NKAIN2: variants seen among roughly 807,000 people sequenced by gnomAD.
NKAIN2 encodes sodium/potassium transporting ATPase interacting 2, also known as sodium/potassium-transporting ATPase subunit beta-1-interacting protein 2.
NKAIN2 carries 14 observed loss-of-function variants against 32.6 expected under a neutral mutation model. The ratio of observed to expected loss-of-function variants is 0.43; its 90% CI spans 0.28 to 0.67. The LOEUF (loss-of-function observed/expected upper bound fraction) is 0.67, where lower values mean the gene tolerates loss of function less well. Ranked by LOEUF, NKAIN2 falls within the 30% of genes least tolerant of loss-of-function variation. The pLI, the probability that NKAIN2 is intolerant of heterozygous loss-of-function variation, is 0.17. For synonymous variants in NKAIN2, 80 were observed against 87.2 expected (o/e 0.92, Z 0.46); for missense variants, 198 against 258.3 (o/e 0.77, Z 1.60).
chr6:123,860,255 C>T (rs923402907), intron 1 of NKAIN2, among the ~76,000 whole-genome samples: 4 of 152,086 alleles, frequency 2.6e-5, no homozygotes, highest in African/African-American at 4.8e-5. Context: ...AGAAAAGATG[C>T]ACCCATCTCC....
chr6:124,360,119 A>C (rs1799211486), intron 3 of NKAIN2, among the ~76,000 whole-genome samples: 1 of 152,180 alleles, frequency 6.6e-6, no homozygotes, highest in East Asian at 1.9e-4. Context: ...CCCAGGGATG[A>C]AGCCCACTTG....
At chr6:124,536,294 T>C (rs1454254629) in intron 3 of NKAIN2, among the ~76,000 whole-genome samples, 3 of 152,160 alleles carry the variant, frequency 2.0e-5, no homozygotes, top group African/African-American at 7.2e-5. Context: ...TATTTATTTG[T>C]TTACCCCTTC....
chr6:124,514,674 G>A (rs762998654), intron 3 of NKAIN2, among the ~76,000 whole-genome samples: 33 of 151,466 alleles, frequency 2.2e-4, no homozygotes, highest in Non-Finnish European at 4.7e-4. Context: ...AAAGTTTCAA[G>A]GACTGACAAA....
At chr6:124,162,259 C>T (rs1384461627) in intron 1 of NKAIN2, among the ~76,000 whole-genome samples, 4 of 151,994 alleles carry the variant, frequency 2.6e-5, no homozygotes, top group African/African-American at 7.2e-5. Flanking sequence ...ACATAGTATG[C>T]GCTCCATAGG....
chr6:124,433,753 T>C (rs1450379280), intron 3 of NKAIN2, among the ~76,000 whole-genome samples: 1 of 152,304 alleles, frequency 6.6e-6, no homozygotes, highest in East Asian at 1.9e-4. Context: ...GAATATTTGA[T>C]GGAAGTGTCT....
intron 3 of NKAIN2, among the ~76,000 whole-genome samples, chr6:124,443,957 T>C (rs546948430): frequency 6.6e-6 from 1 of 152,186 alleles, no homozygotes; most frequent in Non-Finnish European, 1.5e-5. Context: ...TCATATACTC[T>C]TATATGACCT....
intron 1 of NKAIN2, among the ~76,000 whole-genome samples, chr6:123,840,822 TA>T (rs1246784297): frequency 2.6e-5 from 4 of 152,176 alleles, no homozygotes; most frequent in Non-Finnish European, 5.9e-5. Flanking sequence ...TTACACTTGA[TA>T]TTTTTATAGT....
At chr6:124,591,347 G>T (rs1448131177) in intron 3 of NKAIN2, among the ~76,000 whole-genome samples, 2 of 152,182 alleles carry the variant, frequency 1.3e-5, no homozygotes, top group Non-Finnish European at 2.9e-5. Flanking sequence ...TAAGTGTGAG[G>T]AGTGGAGAAG....
chr6:124,202,119 AC>A (rs1191790950), intron 1 of NKAIN2, among the ~76,000 whole-genome samples: 1 of 151,758 alleles, frequency 6.6e-6, no homozygotes, highest in Non-Finnish European at 1.5e-5. Flanking sequence ...GAAAAATATG[AC>A]CTTTTAACTA....
At chr6:124,145,070 T>G (rs1230332347) in intron 1 of NKAIN2, among the ~76,000 whole-genome samples, 1 of 152,176 alleles carries the variant, frequency 6.6e-6, no homozygotes, top group East Asian at 1.9e-4. Context: ...ATTAATACTA[T>G]AATCAGATAT....
chr6:124,386,843 T>C (rs1159112403), intron 3 of NKAIN2, among the ~76,000 whole-genome samples: 1 of 152,184 alleles, frequency 6.6e-6, no homozygotes, highest in East Asian at 1.9e-4. Context: ...AAACTATTGA[T>C]TTCTTTGGGC....
chr6:123,988,352 A>G (rs1158755853), intron 1 of NKAIN2, among the ~76,000 whole-genome samples: 10 of 152,224 alleles, frequency 6.6e-5, no homozygotes, highest in Admixed American at 2.0e-4. Flanking sequence ...GACATTCCAC[A>G]AATAAAAATT....
intron 4 of NKAIN2, among the ~76,000 whole-genome samples, chr6:124,709,963 C>T (rs1775347950): frequency 6.6e-6 from 1 of 151,926 alleles, no homozygotes; most frequent in Admixed American, 6.6e-5. Context: ...CTCTTGTGGG[C>T]ATTTAGTGCT....
Position 124,726,462 on chromosome 6 carries a change from C to T in NKAIN2, c.475-64877C>T, listed in dbSNP as rs143409822. Among the ~76,000 whole-genome samples, 51 of 152,000 alleles carry T rather than the reference C, an allele frequency of 3.4e-4. No homozygotes were observed. The East Asian group carries it at 4.5e-3, about 13-fold the overall frequency. ...AGCAGGGGCACACTGACACCTCACA[C>T]GGCAGGGTATTCCAACAGACCTGCA... On this transcript the variant is annotated intron_variant, in intron 4 of 6. Transcript: ENST00000368417.
At chr6:124,036,457 T>C (rs945530517) in intron 1 of NKAIN2, among the ~76,000 whole-genome samples, 1 of 152,142 alleles carries the variant, frequency 6.6e-6, no homozygotes, top group Non-Finnish European at 1.5e-5. Flanking sequence ...TTTTATACTG[T>C]GTTTATTTAA....
At chr6:124,579,895 A>C (rs1416886194) in intron 3 of NKAIN2, among the ~76,000 whole-genome samples, 2 of 152,226 alleles carry the variant, frequency 1.3e-5, no homozygotes, top group Non-Finnish European at 2.9e-5. Flanking sequence ...TTTTCAGTGG[A>C]AACTTTACAG....
intron 1 of NKAIN2, among the ~76,000 whole-genome samples, chr6:123,821,943 C>T (rs1357399337): frequency 6.6e-6 from 1 of 151,698 alleles, no homozygotes; most frequent in Non-Finnish European, 1.5e-5. Flanking sequence ...AATTTGAACA[C>T]TTTTTCTTTT....
chr6:123,886,593 CAAA>C (rs1217291043), intron 1 of NKAIN2, among the ~76,000 whole-genome samples: 1 of 152,098 alleles, frequency 6.6e-6, no homozygotes, highest in African/African-American at 2.4e-5. Context: ...GCTGATTAAA[CAAA>C]GAAGTGAATG....
intron 3 of NKAIN2, among the ~76,000 whole-genome samples, chr6:124,541,590 A>G (rs1005695791): frequency 6.6e-6 from 1 of 152,180 alleles, no homozygotes; most frequent in Non-Finnish European, 1.5e-5. Context: ...TGTCTTTAAT[A>G]CTGTGACATT....
Sources: allele counts gnomAD v4.1 joint callset (sites outside exome capture counted in the v4.1 genomes callset), GRCh38; gene constraint gnomAD v4.1.1; transcripts MANE v1.5; gene names NCBI Gene and HGNC (gene_info 2026-07-23, HGNC 2026-07-21).